ADAMTS18: variants seen among roughly 807,000 people sequenced by gnomAD.
ADAMTS18 encodes the protein ADAM metallopeptidase with thrombospondin type 1 motif 18.
Under a neutral mutation model 165.9 loss-of-function variants are expected in ADAMTS18, and 157 were observed. The ratio of observed to expected loss-of-function variants is 0.95; its 90% confidence interval spans 0.83 to 1.08. The LOEUF is 1.08. Among genes scored for constraint, ADAMTS18 ranks in the 50% least tolerant of loss-of-function variants. The probability of loss-of-function intolerance (pLI) is 0.00; values close to 1 mark genes in which losing one functional copy is unlikely to be tolerated. For synonymous variants in ADAMTS18, 782 were observed against 578.2 expected (o/e 1.35, Z -5.06); for missense variants, 2,040 against 1,534.0 (o/e 1.33, Z -5.51).
chr16:77,297,425 C>A lies in ADAMTS18; in HGVS notation c.2675-10G>T. The A allele has an allele frequency of 6.2e-7, 1 of 1,610,012 alleles. No individual in the cohort carries two copies. ...TTTACATTTATGTAACCTGGTAAGA[C>A]ATCAGAAGTGACAAAGTGAAAATTA... On this transcript the variant is annotated splice_polypyrimidine_tract_variant and intron_variant, in intron 17 of 22. Transcript: ENST00000282849.
At chr16:77,405,459 G>C (rs373842004) in intron 3 of ADAMTS18, among the ~76,000 whole-genome samples, 1 of 152,156 alleles carries the variant, frequency 6.6e-6, no homozygotes, top group African/African-American at 2.4e-5. Flanking sequence ...ATTTGATGTT[G>C]AGGACATAAA....
intron 14 of ADAMTS18, 82 bp from the exon 15 acceptor site, chr16:77,321,284 C>G (rs1398729714): frequency 2.0e-5 from 32 of 1,562,566 alleles, no homozygotes; most frequent in Non-Finnish European, 2.6e-5. Flanking sequence ...ATATGGTTCT[C>G]TGTATTTACA....
intron 2 of ADAMTS18, chr16:77,432,451 A>G (rs981569672): frequency 6.6e-6 from 1 of 152,192 alleles, no homozygotes. Flanking sequence ...TAATTGCTGA[A>G]TGTTCCAAAG....
intron 3 of ADAMTS18, among the ~76,000 whole-genome samples, chr16:77,420,926 C>A (rs887452352): frequency 6.6e-6 from 1 of 152,052 alleles, no homozygotes; most frequent in Non-Finnish European, 1.5e-5. Context: ...CAGGGTGAAC[C>A]CATAGACACT....
intron 3 of ADAMTS18, among the ~76,000 whole-genome samples, chr16:77,381,119 C>A (rs2057024066): frequency 6.6e-6 from 1 of 152,148 alleles, no homozygotes; most frequent in Non-Finnish European, 1.5e-5. Context: ...GGTAATCCGC[C>A]TGCCTTGGCC....
chr16:77,413,228 A>C (rs774172415), intron 3 of ADAMTS18, among the ~76,000 whole-genome samples: 14 of 152,266 alleles, frequency 9.2e-5, no homozygotes, highest in Middle Eastern at 3.4e-3. Context: ...CCTCATTTCA[A>C]GTATTCCTGA....
At chr16:77,333,791 T>A (rs2056229738) in intron 12 of ADAMTS18, among the ~76,000 whole-genome samples, 1 of 148,524 alleles carries the variant, frequency 6.7e-6, no homozygotes, top group Admixed American at 6.8e-5. Context: ...CTACTAATGC[T>A]GCTAGATAGT....
At chr16:77,318,205 C>T (rs2055922072) in intron 16 of ADAMTS18, among the ~76,000 whole-genome samples, 1 of 152,180 alleles carries the variant, frequency 6.6e-6, no homozygotes, top group African/African-American at 2.4e-5. Context: ...TGGGTATGTT[C>T]TCAGTGTTTT....
At chr16:77,374,719 T>G (rs1213260357) in intron 3 of ADAMTS18, among the ~76,000 whole-genome samples, 2 of 152,142 alleles carry the variant, frequency 1.3e-5, no homozygotes, top group Non-Finnish European at 2.9e-5. Flanking sequence ...TGCAGACAAC[T>G]CAAATGCATA....
At chr16:77,324,851 T>G (rs2144648264) in intron 13 of ADAMTS18, among the ~76,000 whole-genome samples, 1 of 152,350 alleles carries the variant, frequency 6.6e-6, no homozygotes, top group Middle Eastern at 3.4e-3. Context: ...TATAGGTACC[T>G]CATTACTTCC....
chr16:77,346,620 A>G (rs1164985808), intron 10 of ADAMTS18, among the ~76,000 whole-genome samples: 2 of 152,206 alleles, frequency 1.3e-5, no homozygotes, highest in Non-Finnish European at 2.9e-5. Flanking sequence ...GAGAAAATTG[A>G]GACTCAGAGA....
chr16:77,316,868 T>C (rs781095361), intron 16 of ADAMTS18, among the ~76,000 whole-genome samples: 9 of 152,120 alleles, frequency 5.9e-5, no homozygotes, highest in Non-Finnish European at 1.2e-4. Context: ...GACTTCACCA[T>C]GTAGGCCAGT....
chr16:77,383,301 G>A (rs149057475), intron 3 of ADAMTS18, among the ~76,000 whole-genome samples: 15 of 151,944 alleles, frequency 9.9e-5, no homozygotes, highest in African/African-American at 3.1e-4. Flanking sequence ...CAAGAGAAAT[G>A]GATTTCAAGA....
chr16:77,286,958 C>T (rs16945456), intron 22 of ADAMTS18, among the ~76,000 whole-genome samples: 2,095 of 152,272 alleles, frequency 0.014, 57 homozygotes, highest in African/African-American at 0.048. Context: ...GCATCACACA[C>T]TGATGATGAT....
chr16:77,405,062 G>A lies in ADAMTS18; in HGVS notation c.495+26233C>T, dbSNP rs114639249. Among the ~76,000 whole-genome samples, 1,391 of 152,230 alleles carry A rather than the reference G, an allele frequency of 9.1e-3. 22 individuals carry two copies. Among genetic ancestry groups the A allele is most frequent in the African/African-American group, 0.03 (1,265 of 41,534 alleles). On this transcript the variant is annotated intron_variant, in intron 3 of 22. Transcript: ENST00000282849. ...TGAGGAAAAAATTCAGAGTGATTTT[G>A]GGCAGATCAGCTCTGACTAAAGGTG...
chr16:77,300,435 A>T (rs1185946840), intron 16 of ADAMTS18, 31 bp from the exon 17 acceptor site: 2 of 1,613,350 alleles, frequency 1.2e-6, no homozygotes, highest in South Asian at 1.1e-5. Context: ...ATCAGAGATC[A>T]AGATACAGGT....
Position 77,364,371 on chromosome 16 carries a change from C to T in ADAMTS18, c.789G>A (p.Lys263=). The change falls in exon 5 of 23, where the codon AAG becomes AAA. Residue 263 remains lysine, a synonymous_variant. Transcript: ENST00000282849. ...FCGRRKKYAP[K]PPTEDTYLRF... ...TTAGATAGGTGTCCTCTGTGGGAGG[C>T]TTGGGAGCATCTACGATGAACAGAA... is the stretch of plus-strand genomic sequence containing the variant. 2 of 1,613,502 alleles carry T rather than the reference C, an allele frequency of 1.2e-6. No homozygotes were observed. Among genetic ancestry groups the T allele is most frequent in the East Asian group, 4.5e-5 (2 of 44,840 alleles).
In ADAMTS18 at chr16:77,282,906, C is replaced by CTTTTTTTTTTTTTTTTTTTTTTTTTTTT. The variant is rs1555507097; in HGVS notation, c.*1049_*1050insAAAAAAAAAAAAAAAAAAAAAAAAAAAA. ...CCACTGTTTACTCCTTTCTTTCTCTCTTTTTTTTTTTTTTTTTTTTGCTGT... is the reference window on the plus strand; with the variant it reads ...CCACTGTTTACTCCTTTCTTTCTCTCTTTTTTTTTTTTTTTTTTTTTTTTTTTTTTTTTTTTTTTTTTTTTTTTGCTGT... On this transcript the variant is annotated 3_prime_UTR_variant, in exon 23 of 23. Coordinates refer to ENST00000282849, the MANE Select transcript of ADAMTS18 (RefSeq NM_199355.4). The CTTTTTTTTTTTTTTTTTTTTTTTTTTTT allele has an allele frequency of 1.3e-5, 1 of 77,582 alleles. No homozygotes were observed. Among genetic ancestry groups the CTTTTTTTTTTTTTTTTTTTTTTTTTTTT allele is most frequent in the African/African-American group, 4.1e-5 (1 of 24,644 alleles). 4.8% of individuals were successfully genotyped at this position (77,582 alleles called of 1,614,324 possible).
At chr16:77,414,902 C>T (rs1228087681) in intron 3 of ADAMTS18, among the ~76,000 whole-genome samples, 1 of 152,104 alleles carries the variant, frequency 6.6e-6, no homozygotes, top group Non-Finnish European at 1.5e-5. Context: ...CTAAGCCAAC[C>T]ATGAAGCCTC....
Sources: allele counts gnomAD v4.1 joint callset (sites outside exome capture counted in the v4.1 genomes callset), GRCh38; gene constraint gnomAD v4.1.1; transcripts MANE v1.5; gene names NCBI Gene and HGNC (gene_info 2026-07-23, HGNC 2026-07-21).